NCAPG: variants seen among roughly 807,000 people sequenced by gnomAD.
NCAPG encodes condensin complex subunit 3.
Under a neutral mutation model 113.1 loss-of-function variants are expected in NCAPG, and 69 were observed. The observed-to-expected ratio is 0.61, with a 90% CI of 0.50 to 0.75. The LOEUF (loss-of-function observed/expected upper bound fraction) is 0.75, where lower values mean the gene tolerates loss of function less well. Among genes scored for constraint, NCAPG ranks in the 30% least tolerant of loss-of-function variants. NCAPG has a pLI of 0.00. For synonymous variants in NCAPG, 370 were observed against 415.8 expected, an observed-to-expected ratio of 0.89 and a Z score of 1.34; for missense variants, 1,058 against 1,177.0, an observed-to-expected ratio of 0.90 and a Z score of 1.48.
chr4:17,813,125 A>T lies in NCAPG; in HGVS notation c.524A>T (p.Asp175Val), dbSNP rs747174193. 7 of 1,613,706 alleles carry T rather than the reference A, an allele frequency of 4.3e-6. No homozygotes were observed. The highest frequency in any genetic ancestry group is 5.1e-6 in the Non-Finnish European group (6 of 1,179,622). Residue 175 changes from aspartate (D) to valine (V), a missense_variant, in exon 3 of 21, where the codon GAT (aspartate) becomes GTT (valine). Physicochemically the swap from Asp to Val is radical, Grantham distance 152. Transcript: ENST00000251496. ...ALSRLQDPKDDECPVVNAYAT... is the reference protein window; with the variant it reads ...ALSRLQDPKDVECPVVNAYAT... Reference sequence around the variant, plus strand: ...TCACGACTTCAGGATCCCAAGGATGATGAATGCCCAGTGGTTAATGGTGTG... The same window carrying T: ...TCACGACTTCAGGATCCCAAGGATGTTGAATGCCCAGTGGTTAATGGTGTG...
intron 13 of NCAPG, among the ~76,000 whole-genome samples, chr4:17,832,326 T>C (rs1721897010): frequency 6.6e-6 from 1 of 152,178 alleles, no homozygotes; most frequent in African/African-American, 2.4e-5. Flanking sequence ...TTGTGGTTAC[T>C]GAGGTTGTGA....
intron 19 of NCAPG, chr4:17,841,872 C>G (rs1454347764): frequency 6.4e-6 from 1 of 155,114 alleles, no homozygotes; most frequent in African/African-American, 2.4e-5. Flanking sequence ...TATGTTTTAT[C>G]ACCTTCCAAG....
At chr4:17,836,638 T>C (rs1446984529) in intron 14 of NCAPG, among the ~76,000 whole-genome samples, 1 of 152,212 alleles carries the variant, frequency 6.6e-6, no homozygotes, top group African/African-American at 2.4e-5. Context: ...TTCATTGTTT[T>C]GCCTGTGTAC....
intron 11 of NCAPG, among the ~76,000 whole-genome samples, chr4:17,828,039 G>A (rs1257226372): frequency 1.3e-5 from 2 of 152,022 alleles, no homozygotes; most frequent in African/African-American, 2.4e-5. Context: ...GACCTTAAGT[G>A]ATTTACCTGC....
At chr4:17,833,230 G>C (rs1244708040) in intron 13 of NCAPG, among the ~76,000 whole-genome samples, 1 of 151,888 alleles carries the variant, frequency 6.6e-6, no homozygotes, top group African/African-American at 2.4e-5. Context: ...AATTAGCCAG[G>C]CATGGTGGTA....
rs2109064411 is a variant in NCAPG, at chr4:17,837,686, C to G, written c.2351C>G (p.Ala784Gly). The change falls in exon 16 of 21, where the codon GCC becomes GGC. Residue 784 changes from alanine to glycine, a missense_variant. Transcript: ENST00000251496. Reference protein sequence around the residue: ...FLPTLQTLANAPASSPLAEID... With the variant: ...FLPTLQTLANGPASSPLAEID... ...CCAACCCTGCAAACACTGGCCAATG[C>G]CCCTGCATCTTCTCCTTTAGCTGAA... The G allele has an allele frequency of 6.2e-7, 1 of 1,613,970 alleles. No individual in the cohort carries two copies. Among genetic ancestry groups the G allele is most frequent in the Non-Finnish European group, 8.5e-7 (1 of 1,179,920 alleles).
At chr4:17,816,031 A>G (rs1721191707) in intron 5 of NCAPG, among the ~76,000 whole-genome samples, 1 of 152,102 alleles carries the variant, frequency 6.6e-6, no homozygotes, top group South Asian at 2.1e-4. Flanking sequence ...CAGAAACAAC[A>G]AATAGGAATG....
At chr4:17,817,181 T>A in intron 5 of NCAPG, 80 bp from the exon 6 acceptor site, 4 of 980,702 alleles carry the variant, frequency 4.1e-6, no homozygotes, top group South Asian at 3.1e-5. Flanking sequence ...ATACTGACTT[T>A]GTTAATTAAA....
chr4:17,817,533 T>A, intron 6 of NCAPG, 80 bp downstream of exon 6: 2 of 1,073,004 alleles, frequency 1.9e-6, no homozygotes, highest in Non-Finnish European at 2.7e-6. Flanking sequence ...CCCCATAGCT[T>A]AAGATTATAT....
chr4:17,841,988 G>T (rs1424840588), intron 19 of NCAPG: 1 of 223,432 alleles, frequency 4.5e-6, no homozygotes, highest in Non-Finnish European at 9.0e-6. Context: ...CAATAATAGA[G>T]GTACTTCATT....
At chr4:17,814,603 AT>A in intron 3 of NCAPG, among the ~76,000 whole-genome samples, 1 of 152,056 alleles carries the variant, frequency 6.6e-6, no homozygotes. Flanking sequence ...TGCCTAGCTA[AT>A]TTTTTATTTT....
chr4:17,827,818 T>C (rs1721710865), intron 11 of NCAPG, among the ~76,000 whole-genome samples: 1 of 151,176 alleles, frequency 6.6e-6, no homozygotes, highest in Non-Finnish European at 1.5e-5. Flanking sequence ...TTTTTTTTTT[T>C]TTTTTGAGAC....
chr4:17,811,296 C>A lies in NCAPG; in HGVS notation c.111+108C>A. ...GGCGCACCGTGACTCCAGCCTTGTT[C>A]ACCTTCGCGACTCACTTCATAGGGA... On this transcript the variant is annotated intron_variant, in intron 1 of 20. Coordinates refer to ENST00000251496, the MANE Select transcript of NCAPG (RefSeq NM_022346.5). This position sits in a 1 kb window ranked among gnomAD's most constrained non-coding sequence, Gnocchi z 5.3. 1.6e-6 allele frequency: 1 copy of A among 623,984 alleles called. No homozygotes were observed. The highest frequency in any genetic ancestry group is 2.6e-6 in the Non-Finnish European group (1 of 382,252). 38.7% of individuals were successfully genotyped at this position (623,984 alleles called of 1,614,324 possible). A position where few individuals can be genotyped will look rare whatever the true frequency, so the allele number is the denominator to read the frequency against.
At chr4:17,815,475 G>A in intron 5 of NCAPG, 117 bp downstream of exon 5, 1 of 663,734 alleles carries the variant, frequency 1.5e-6, no homozygotes, top group Non-Finnish European at 2.6e-6. Flanking sequence ...CCATGAACCT[G>A]GTGAAATTTA....
At chr4:17,831,859 C>T (rs1007737604) in intron 13 of NCAPG, among the ~76,000 whole-genome samples, 1 of 152,102 alleles carries the variant, frequency 6.6e-6, no homozygotes, top group East Asian at 1.9e-4. Flanking sequence ...GAAAGGAATT[C>T]GAGGGCTTTG....
At chr4:17,837,557 T>G in intron 15 of NCAPG, 70 bp from the exon 16 acceptor site, 1 of 1,508,264 alleles carries the variant, frequency 6.6e-7, no homozygotes, top group Non-Finnish European at 8.9e-7. Context: ...ACATAGTAGT[T>G]TTGAATTTCA....
chr4:17,812,104 T>G, intron 1 of NCAPG, 117 bp from the exon 2 acceptor site: 1 of 779,006 alleles, frequency 1.3e-6, no homozygotes, highest in Non-Finnish European at 2.0e-6. Flanking sequence ...GTTTACTAAA[T>G]AAATATTTTA....
intron 11 of NCAPG, 33 bp downstream of exon 11, chr4:17,825,594 G>C (rs201986135): frequency 5.6e-5 from 86 of 1,526,816 alleles, no homozygotes; most frequent in Non-Finnish European, 7.6e-5. Context: ...TAAATCTCAG[G>C]TGTTATTAAT....
chr4:17,837,276 G>A lies in NCAPG; in HGVS notation c.2227G>A (p.Glu743Lys). Residue 743 changes from glutamate to lysine, a missense_variant, in exon 15 of 21, where the codon GAA (glutamate) becomes AAA (lysine). Glu to Lys is a moderately conservative substitution (Grantham distance 56). Transcript: ENST00000251496. ...TTTGTTATGGTACAATCCTGTGACT[G>A]AAGAGGATGTTCAACTTCGACATTG... Reference protein sequence around the residue: ...LILLWYNPVTEEDVQLRHCLG... With the variant: ...LILLWYNPVTKEDVQLRHCLG... 1 of 1,613,990 alleles carries A rather than the reference G, an allele frequency of 6.2e-7. No homozygotes were observed. Among genetic ancestry groups the A allele is most frequent in the Non-Finnish European group, 8.5e-7 (1 of 1,179,930 alleles).
Sources: allele counts gnomAD v4.1 joint callset (sites outside exome capture counted in the v4.1 genomes callset), GRCh38; gene constraint gnomAD v4.1.1; non-coding constraint Gnocchi (gnomAD v3.1); transcripts MANE v1.5; gene names NCBI Gene and HGNC (gene_info 2026-07-23, HGNC 2026-07-21).